EVPL: variants seen among roughly 807,000 people sequenced by gnomAD.
EVPL encodes the protein 210 kDa cornified envelope precursor protein.
EVPL carries 94 observed loss-of-function variants against 129.7 expected under a neutral mutation model. The ratio of observed to expected loss-of-function variants is 0.72; its 90% CI spans 0.61 to 0.86. The LOEUF (loss-of-function observed/expected upper bound fraction) is 0.86. Ranked by LOEUF, EVPL falls within the 40% of genes least tolerant of loss-of-function variation. The pLI is 0.00. For synonymous variants in EVPL, 1,172 were observed against 1,191.1 expected, an observed-to-expected ratio of 0.98 and a Z score of 0.33; for missense variants, 2,625 against 2,721.1, an observed-to-expected ratio of 0.96 and a Z score of 0.79.
rs1452372756 is a variant in EVPL, at chr17:76,024,794, C to T, written c.99-674G>A. Reference sequence around the variant, plus strand: ...CACATGGTCAGGGGTGGAGGGGAAACCTTGCTTCCACCCCAGGGCTTTTTC... The same window carrying T: ...CACATGGTCAGGGGTGGAGGGGAAATCTTGCTTCCACCCCAGGGCTTTTTC... On this transcript the variant is annotated intron_variant, in intron 1 of 21. Coordinates refer to ENST00000301607, the MANE Select transcript of EVPL (RefSeq NM_001988.4). This position sits in a 1 kb window ranked among gnomAD's most constrained non-coding sequence, Gnocchi z 4.5. 6.6e-6 allele frequency among the ~76,000 whole-genome samples: 1 copy of T among 152,158 alleles called. No homozygotes were observed. The highest frequency in any genetic ancestry group is 1.9e-4 in the East Asian group (1 of 5,196).
At chr17:76,010,645 C>G in intron 21 of EVPL, 102 bp from the exon 22 acceptor site, 2 of 1,301,760 alleles carry the variant, frequency 1.5e-6, no homozygotes, top group Non-Finnish European at 2.1e-6. Flanking sequence ...TGAGACTCCC[C>G]AGTGGGTCCT....
rs1214841329 is a variant in EVPL at position 76,017,888 on chromosome 17, T to C, written c.1561A>G (p.Asn521Asp). The C allele has an allele frequency of 2.5e-6, 4 of 1,614,112 alleles. No homozygotes were observed. Among genetic ancestry groups the C allele is most frequent in the South Asian group, 2.2e-5 (2 of 91,088 alleles). ...QQAPSGSDLA[N>D]PQAQKLLTQM... Reference sequence around the variant, plus strand: ...GTCAGGAGCTTCTGGGCCTGTGGGTTGGCCAGGTCTGAGCCAGATGGAGCT... The same window carrying C: ...GTCAGGAGCTTCTGGGCCTGTGGGTCGGCCAGGTCTGAGCCAGATGGAGCT... Residue 521 changes from asparagine to aspartate, a missense_variant, in exon 14 of 22, where the codon AAC becomes GAC. Coordinates refer to ENST00000301607, the MANE Select transcript of EVPL (RefSeq NM_001988.4).
At position 76,008,689 on chromosome 17, in the gene EVPL, T is replaced by A. The variant is rs751902650; in HGVS notation, c.4516A>T (p.Ile1506Phe). The change falls in exon 22 of 22, where the codon ATT becomes TTT. Residue 1506 changes from isoleucine to phenylalanine, a missense_variant. Physicochemically the swap from Ile to Phe is conservative, Grantham distance 21. Transcript: ENST00000301607. The surrounding 1 kb of genome is among the most constrained non-coding windows in gnomAD (Gnocchi z 7.4). ...NRECKNLQVQ[I>F]DVLQKAKSQE... ...GATTTGGCTTTCTGGAGGACGTCAATCTGGACCTGCAGGTTCTTGCACTCC... is the reference window on the plus strand; with the variant it reads ...GATTTGGCTTTCTGGAGGACGTCAAACTGGACCTGCAGGTTCTTGCACTCC... 3 of 1,613,340 alleles carry A rather than the reference T, an allele frequency of 1.9e-6. No individual in the cohort carries two copies. The highest frequency in any genetic ancestry group is 2.2e-5 in the South Asian group (2 of 91,086).
chr17:76,009,361 T>C lies in EVPL; in HGVS notation c.3844A>G (p.Asn1282Asp), dbSNP rs376265746. 6.2e-7 allele frequency: 1 copy of C among 1,613,588 alleles called. No individual in the cohort carries two copies. The highest frequency in any genetic ancestry group is 8.5e-7 in the Non-Finnish European group (1 of 1,179,990). Reference sequence around the variant, plus strand: ...TGCTCCTGGGAGCGCCCGTGGCTGTTGACGAGCTCGTTGAGCTGAGCCTTC... The same window carrying C: ...TGCTCCTGGGAGCGCCCGTGGCTGTCGACGAGCTCGTTGAGCTGAGCCTTC... Reference protein sequence around the residue: ...RLKAQLNELVNSHGRSQEQLI... With the variant: ...RLKAQLNELVDSHGRSQEQLI... The change falls in exon 22 of 22, where the codon AAC becomes GAC. Residue 1282 changes from asparagine (N) to aspartate (D), a missense_variant. Asn to Asp is a conservative substitution (Grantham distance 23, BLOSUM62 1). Transcript: ENST00000301607. This position sits in a 1 kb window ranked among gnomAD's most constrained non-coding sequence, Gnocchi z 5.9.
rs368302291 is a variant in EVPL, at chr17:76,014,487, C to T, written c.2312G>A (p.Arg771His). Residue 771 changes from arginine to histidine, a missense_variant, in exon 18 of 22, where the codon CGC becomes CAC. Arg to His is a conservative substitution (Grantham distance 29, BLOSUM62 0). Coordinates refer to ENST00000301607, the MANE Select transcript of EVPL (RefSeq NM_001988.4). Reference sequence around the variant, plus strand: ...GCCGTCGCTGGGCCGCACCTGGCTGCGGGGCAGGTGCTCCAGCCAGGAGCT... The same window carrying T: ...GCCGTCGCTGGGCCGCACCTGGCTGTGGGGCAGGTGCTCCAGCCAGGAGCT... ...NLSSWLEHLP[R>H]SQVRPSDGPS... The T allele has an allele frequency of 2.5e-6, 4 of 1,611,576 alleles. No individual in the cohort carries two copies. Among genetic ancestry groups the T allele is most frequent in the Non-Finnish European group, 2.5e-6 (3 of 1,179,340 alleles).
intron 11 of EVPL, 24 bp from the exon 12 acceptor site, chr17:76,018,624 C>T (rs145445166): frequency 0.015 from 23,496 of 1,580,142 alleles, 229 homozygotes; most frequent in Non-Finnish European, 0.018. Flanking sequence ...AAGGGAGCAG[C>T]TCCTGAGGGC....
rs745879063 is a variant in EVPL at position 76,009,797 on chromosome 17, C to T, written c.3408G>A (p.Val1136=). The T allele has an allele frequency of 1.1e-5, 18 of 1,613,722 alleles. No homozygotes were observed. ...AISSVEPKVI[V]KEVKKVEQDP... ...CCTGCTCCACCTTCTTCACCTCCTT[C>T]ACGATGACCTTGGGCTCCACCGAGC... Residue 1136 remains valine (V), a synonymous_variant, in exon 22 of 22, where the codon GTG becomes GTA. Coordinates refer to ENST00000301607, the MANE Select transcript of EVPL (RefSeq NM_001988.4). This position sits in a 1 kb window ranked among gnomAD's most constrained non-coding sequence, Gnocchi z 5.9.
Position 76,008,375 on chromosome 17 carries a change from T to C in EVPL, c.4830A>G (p.Thr1610=), listed in dbSNP as rs1598229433. Residue 1610 remains threonine, a synonymous_variant, in exon 22 of 22, where the codon ACA becomes ACG. Coordinates refer to ENST00000301607, the MANE Select transcript of EVPL (RefSeq NM_001988.4). The surrounding 1 kb of genome is among the most constrained non-coding windows in gnomAD (Gnocchi z 7.4). ...RALERQKQQQ[T]LQLQEESKLL... is the part of the protein sequence containing the mutation. ...GCTTCGACTCCTCCTGCAGCTGCAGTGTCTGCTGCTGCTTCTGCCTCTCCA... is the reference window on the plus strand; with the variant it reads ...GCTTCGACTCCTCCTGCAGCTGCAGCGTCTGCTGCTGCTTCTGCCTCTCCA... 1.3e-6 allele frequency: 2 copies of C among 1,599,626 alleles called. No homozygotes were observed. The highest frequency in any genetic ancestry group is 4.5e-5 in the East Asian group (2 of 44,782).
chr17:76,027,063 C>T (rs1427290753), intron 1 of EVPL, 38 bp downstream of exon 1: 2 of 1,240,890 alleles, frequency 1.6e-6, no homozygotes, highest in Non-Finnish European at 2.2e-6. Context: ...CCACCCCCAC[C>T]CCAGTTCCCC....
Position 76,015,334 on chromosome 17 carries a change from T to A in EVPL, c.1921A>T (p.Ile641Phe). 1 of 1,604,028 alleles carries A rather than the reference T, an allele frequency of 6.2e-7. No individual in the cohort carries two copies. The highest frequency in any genetic ancestry group is 1.7e-4 in the Middle Eastern group (1 of 6,054). Residue 641 changes from isoleucine (I) to phenylalanine (F), a missense_variant, in exon 16 of 22, where the codon ATC becomes TTC. Physicochemically the swap from Ile to Phe is conservative, Grantham distance 21. This residue lies in a region of EVPL where 1,024 missense variants were observed against 997.5 expected (regional missense o/e 1.03). Coordinates refer to ENST00000301607, the MANE Select transcript of EVPL (RefSeq NM_001988.4). ...CGGATGACCCTGTCCGCATCCTGGA[T>A]CTGCCGCTCCAGATCCAGGGCAGCC... ...AKAALDLERQIQDADRVIRGF... is the reference protein window; with the variant it reads ...AKAALDLERQFQDADRVIRGF...
chr17:76,027,134 C>T lies in EVPL; in HGVS notation c.65G>A (p.Gly22Glu). The part of the protein sequence containing the change: ...KGSPKGSPAK[G>E]SPKGSPSRHS... ...CCTGCTGGGGGAGCCTTTGGGGGAC[C>T]CCTTGGCGGGGGAGCCCTTGGGGGA... The change falls in exon 1 of 22, where the codon GGG (glycine) becomes GAG (glutamate). Residue 22 changes from glycine to glutamate, a missense_variant. Gly to Glu is a moderately conservative substitution (Grantham distance 98, BLOSUM62 -2). This residue lies in a region of EVPL where 139 missense variants were observed against 186.8 expected (regional missense o/e 0.74). Transcript: ENST00000301607. The T allele has an allele frequency of 6.5e-7, 1 of 1,548,166 alleles. No homozygotes were observed. Among genetic ancestry groups the T allele is most frequent in the African/African-American group, 1.4e-5 (1 of 71,540 alleles).
rs866515204 is a variant in EVPL, at chr17:76,015,103, G to A, written c.2035C>T (p.Arg679Trp). Residue 679 changes from arginine to tryptophan, a missense_variant, in exon 17 of 22, where the codon CGG (arginine) becomes TGG (tryptophan). Arg to Trp is a moderately radical substitution (Grantham distance 101, BLOSUM62 -3). This residue lies in a region of EVPL where 1,024 missense variants were observed against 997.5 expected (regional missense o/e 1.03). Transcript: ENST00000301607. The stretch of plus-strand genomic sequence containing the variant: ...GTCTGCTGTTCCAGCAGCTCCCTCC[G>A]CTGGCGCTGCAGGAGGAGGGGACGC... ...QERVSELQRQ[R>W]RELLEQQTCV... 1 of 1,573,260 alleles carries A rather than the reference G, an allele frequency of 6.4e-7. No homozygotes were observed. The highest frequency in any genetic ancestry group is 8.6e-7 in the Non-Finnish European group (1 of 1,159,440).
intron 1 of EVPL, among the ~76,000 whole-genome samples, chr17:76,025,188 C>T (rs1165081634): frequency 6.6e-6 from 1 of 152,204 alleles, no homozygotes; most frequent in Non-Finnish European, 1.5e-5. Flanking sequence ...ATATCTATGC[C>T]TTAGGGCTAT....
chr17:76,014,505 C>G lies in EVPL; in HGVS notation c.2294G>C (p.Trp765Ser). 6.2e-7 allele frequency: 1 copy of G among 1,611,834 alleles called. No homozygotes were observed. Among genetic ancestry groups the G allele is most frequent in the Non-Finnish European group, 8.5e-7 (1 of 1,179,442 alleles). The change falls in exon 18 of 22, where the codon TGG becomes TCG. Residue 765 changes from tryptophan to serine, a missense_variant. Physicochemically the swap from Trp to Ser is radical, Grantham distance 177. This residue lies in a region of EVPL where 1,024 missense variants were observed against 997.5 expected (regional missense o/e 1.03). Coordinates refer to ENST00000301607, the MANE Select transcript of EVPL (RefSeq NM_001988.4). ...CTGGCTGCGGGGCAGGTGCTCCAGC[C>G]AGGAGCTCAGGTTATCCTTGCAGTT... is the stretch of plus-strand genomic sequence containing the variant. ...FKNCKDNLSSWLEHLPRSQVR... is the reference protein window; with the variant it reads ...FKNCKDNLSSSLEHLPRSQVR...
intron 18 of EVPL, among the ~76,000 whole-genome samples, chr17:76,012,750 T>TC (rs2066387676): frequency 6.8e-6 from 1 of 147,464 alleles, no homozygotes; most frequent in South Asian, 2.1e-4. Flanking sequence ...TTCTTTTTTT[T>TC]TTTTTTTTTT....
Position 76,022,510 on chromosome 17 carries a change from G to A in EVPL, c.509C>T (p.Pro170Leu). 8.1e-6 allele frequency: 13 copies of A among 1,609,778 alleles called. No individual in the cohort carries two copies. Among genetic ancestry groups the A allele is most frequent in the Admixed American group, 1.7e-5 (1 of 59,162 alleles). Residue 170 changes from proline (P) to leucine (L), a missense_variant, in exon 5 of 22, where the codon CCG becomes CTG. This residue lies in a region of EVPL where 1,024 missense variants were observed against 997.5 expected (regional missense o/e 1.03). Coordinates refer to ENST00000301607, the MANE Select transcript of EVPL (RefSeq NM_001988.4). This position sits in a 1 kb window ranked among gnomAD's most constrained non-coding sequence, Gnocchi z 5.6. The part of the protein sequence containing the change: ...QKQVCAGQYG[P>L]GMAELEQQIA... ...CTGTTGCTCCAGCTCCGCCATGCCC[G>A]GCCCGTACTGGCCTGCGCAGACCTG...
intron 10 of EVPL, 40 bp from the exon 11 acceptor site, chr17:76,019,100 G>C: frequency 2.6e-6 from 4 of 1,525,580 alleles, no homozygotes; most frequent in Non-Finnish European, 3.5e-6. Flanking sequence ...AGGCCAGGCT[G>C]CATTGGAGGC....
In EVPL at chr17:76,013,955, CCTT is replaced by C. The variant is rs2066397590; in HGVS notation, c.2373+468_2373+470del. Among the ~76,000 whole-genome samples the C allele has an allele frequency of 6.6e-6, 1 of 152,076 alleles. No individual in the cohort carries two copies. Among genetic ancestry groups the C allele is most frequent in the African/African-American group, 2.4e-5 (1 of 41,414 alleles). On this transcript the variant is annotated intron_variant, in intron 18 of 21. Transcript: ENST00000301607. The surrounding 1 kb of genome is among the most constrained non-coding windows in gnomAD (Gnocchi z 4.3). ...CCCCTCCTTTCCCCTGACTGCCATG[CCTT>C]CTGCATGGGACATTTCATCCCTCCC...
At chr17:76,012,117 G>A (rs2066382296) in intron 18 of EVPL, 28 bp from the exon 19 acceptor site, 2 of 1,578,668 alleles carry the variant, frequency 1.3e-6, no homozygotes, top group Non-Finnish European at 1.7e-6. Context: ...AGAGTCAGGA[G>A]GCCAGGAAAT....
Sources: allele counts gnomAD v4.1 joint callset (sites outside exome capture counted in the v4.1 genomes callset), GRCh38; gene constraint gnomAD v4.1.1; regional missense constraint gnomAD v4.1.1; non-coding constraint Gnocchi (gnomAD v3.1); transcripts MANE v1.5; gene names NCBI Gene and HGNC (gene_info 2026-07-23, HGNC 2026-07-21).